Variants in AGPAT4 observed in about 807,000 individuals in gnomAD.
AGPAT4 encodes 1-acylglycerol-3-phosphate O-acyltransferase 4, also known as 1-acyl-sn-glycerol-3-phosphate acyltransferase delta.
AGPAT4 carries 15 observed loss-of-function variants against 48.0 expected under a neutral mutation model. The observed-to-expected ratio is 0.31, with a 90% CI of 0.21 to 0.48. AGPAT4 has a LOEUF of 0.48. Ranked by LOEUF, AGPAT4 falls within the 20% of genes least tolerant of loss-of-function variation. AGPAT4 has a pLI of 0.99. For synonymous variants in AGPAT4, 178 were observed against 198.7 expected (o/e 0.90, Z 0.88); for missense variants, 314 against 482.5 (o/e 0.65, Z 3.27).
chr6:161,161,441 A>G lies in AGPAT4; in HGVS notation c.348+4807T>C, dbSNP rs1383479076. The stretch of plus-strand genomic sequence containing the variant: ...CTTGCCAAACCCAGTGAATGGTAAG[A>G]GGCAGAGGGTGGCGTCCCAGCCCAT... On this transcript the variant is annotated intron_variant, in intron 3 of 8. Transcript: ENST00000320285. The surrounding 1 kb of genome is among the most constrained non-coding windows in gnomAD (Gnocchi z 4.6). The G allele has an allele frequency of 2.2e-6, 1 of 456,568 alleles. No homozygotes were observed. The highest frequency in any genetic ancestry group is 2.0e-5 in the African/African-American group (1 of 50,066). The allele number at this position is 456,568 out of a possible 1,614,324, so 28.3% of individuals were successfully genotyped here.
At chr6:161,145,530 CA>C (rs1422496705) in intron 7 of AGPAT4, among the ~76,000 whole-genome samples, 1 of 151,604 alleles carries the variant, frequency 6.6e-6, no homozygotes, top group Non-Finnish European at 1.5e-5. Flanking sequence ...AAGGTGATGG[CA>C]AGTCTTTTGG....
In AGPAT4 at chr6:161,130,644, A is replaced by G. The variant is rs1778870619; in HGVS notation, c.*5896T>C. On this transcript the variant is annotated 3_prime_UTR_variant, in exon 9 of 9. Transcript: ENST00000320285. ...ATCTCTTTCCTTGATAGAACAAGCA[A>G]AAGAGGGGCTGATCCATCTCCCGTG... The G allele has an allele frequency of 2.6e-5, 7 of 273,094 alleles. No individual in the cohort carries two copies. The allele number at this position is 273,094 out of a possible 1,614,324, so 16.9% of individuals were successfully genotyped here.
At position 161,254,749 on chromosome 6, in the gene AGPAT4, A is replaced by G. The variant is rs911144331; in HGVS notation, c.-90+19189T>C. ...TGTTAATCCTTGGTTCTAAGCTTTAACATTCATTTAATTCTCAAAGATCTG... is the reference window on the plus strand; with the variant it reads ...TGTTAATCCTTGGTTCTAAGCTTTAGCATTCATTTAATTCTCAAAGATCTG... On this transcript the variant is annotated intron_variant, in intron 1 of 8. Transcript: ENST00000320285. The surrounding 1 kb of genome is among the most constrained non-coding windows in gnomAD (Gnocchi z 5.9). Among the ~76,000 whole-genome samples, 5 of 152,214 alleles carry G rather than the reference A, an allele frequency of 3.3e-5. No homozygotes were observed. The highest frequency in any genetic ancestry group is 5.9e-5 in the Non-Finnish European group (4 of 68,042).
At chr6:161,163,540 T>G (rs1226631978) in intron 3 of AGPAT4, among the ~76,000 whole-genome samples, 1 of 152,114 alleles carries the variant, frequency 6.6e-6, no homozygotes, top group Non-Finnish European at 1.5e-5. Context: ...AGCTCTCCAG[T>G]AGATGGCAAA....
rs1159155641 is a variant in AGPAT4 at position 161,139,889 on chromosome 6, C to T, written c.844-269G>A. On this transcript the variant is annotated intron_variant, in intron 7 of 8. Coordinates refer to ENST00000320285, the MANE Select transcript of AGPAT4 (RefSeq NM_020133.3). The surrounding 1 kb of genome is among the most constrained non-coding windows in gnomAD (Gnocchi z 9.1). ...GCAGGGCGTGGAGCATGAACCCTGGCGCCAGGCCAGCCTGGGCTAGGATCC... is the reference window on the plus strand; with the variant it reads ...GCAGGGCGTGGAGCATGAACCCTGGTGCCAGGCCAGCCTGGGCTAGGATCC... Among the ~76,000 whole-genome samples, 6 of 152,352 alleles carry T rather than the reference C, an allele frequency of 3.9e-5. No homozygotes were observed. The highest frequency in any genetic ancestry group is 3.9e-4 in the East Asian group (2 of 5,180).
rs978853919 is a variant in AGPAT4, at chr6:161,238,138, G to A, written c.-89-5836C>T. On this transcript the variant is annotated intron_variant, in intron 1 of 8. Transcript: ENST00000320285. This position sits in a 1 kb window ranked among gnomAD's most constrained non-coding sequence, Gnocchi z 5.2. The stretch of plus-strand genomic sequence containing the variant: ...TAGTTGTTGGAGCTTCCGCTGTGGA[G>A]AGGGCACTGAGAGTCAGGCAGTCTG... 6.6e-6 allele frequency among the ~76,000 whole-genome samples: 1 copy of A among 152,160 alleles called. No homozygotes were observed. Among genetic ancestry groups the A allele is most frequent in the African/African-American group, 2.4e-5 (1 of 41,440 alleles).
chr6:161,205,022 C>G (rs2115013606), intron 2 of AGPAT4, among the ~76,000 whole-genome samples: 1 of 152,286 alleles, frequency 6.6e-6, no homozygotes, highest in South Asian at 2.1e-4. Context: ...TCAGCCTCAC[C>G]ACTGGGGACT....
chr6:161,226,532 G>A lies in AGPAT4; in HGVS notation c.178+5504C>T, dbSNP rs939120738. Among the ~76,000 whole-genome samples the A allele has an allele frequency of 5.3e-5, 8 of 152,088 alleles. No homozygotes were observed. The highest frequency in any genetic ancestry group is 1.7e-4 in the African/African-American group (7 of 41,410). ...ACTTCCCTTGTATTTTCATTTGTGG[G>A]GTAGGGGGTGGCCCACACCCAGTTG... On this transcript the variant is annotated intron_variant, in intron 2 of 8. Coordinates refer to ENST00000320285, the MANE Select transcript of AGPAT4 (RefSeq NM_020133.3). This position sits in a 1 kb window ranked among gnomAD's most constrained non-coding sequence, Gnocchi z 6.3.
chr6:161,200,849 C>T lies in AGPAT4; in HGVS notation c.178+31187G>A, dbSNP rs527537632. 1.3e-5 allele frequency among the ~76,000 whole-genome samples: 2 copies of T among 152,344 alleles called. No individual in the cohort carries two copies. Among genetic ancestry groups the T allele is most frequent in the African/African-American group, 4.8e-5 (2 of 41,576 alleles). On this transcript the variant is annotated intron_variant, in intron 2 of 8. Coordinates refer to ENST00000320285, the MANE Select transcript of AGPAT4 (RefSeq NM_020133.3). The surrounding 1 kb of genome is among the most constrained non-coding windows in gnomAD (Gnocchi z 5.5). ...CCACAATTTCTGATCCATCCAAACT[C>T]ATAAACACAGATACCCTCTATTGCC...
intron 1 of AGPAT4, among the ~76,000 whole-genome samples, chr6:161,237,959 A>T (rs1348855158): frequency 6.6e-6 from 1 of 151,974 alleles, no homozygotes; most frequent in Non-Finnish European, 1.5e-5. Flanking sequence ...TATTAAAGTC[A>T]GCAGAAAGGT....
intron 1 of AGPAT4, among the ~76,000 whole-genome samples, chr6:161,250,371 G>A (rs12207205): frequency 0.11 from 17,127 of 152,178 alleles, 1,267 homozygotes; most frequent in Non-Finnish European, 0.17. Flanking sequence ...TACAGTAGTT[G>A]AGATTTTATT....
At chr6:161,179,639 C>T (rs368667902) in intron 2 of AGPAT4, among the ~76,000 whole-genome samples, 2 of 152,292 alleles carry the variant, frequency 1.3e-5, no homozygotes, top group South Asian at 2.1e-4. Flanking sequence ...TCCGCCTCTG[C>T]CACCCCTGAG....
At chr6:161,252,233 T>C (rs1484031965) in intron 1 of AGPAT4, among the ~76,000 whole-genome samples, 1 of 152,116 alleles carries the variant, frequency 6.6e-6, no homozygotes, top group Non-Finnish European at 1.5e-5. Flanking sequence ...CTTGCAGTGG[T>C]AATAGGAGAG....
chr6:161,255,290 T>C lies in AGPAT4; in HGVS notation c.-90+18648A>G, dbSNP rs1440355611. On this transcript the variant is annotated intron_variant, in intron 1 of 8. Coordinates refer to ENST00000320285, the MANE Select transcript of AGPAT4 (RefSeq NM_020133.3). The surrounding 1 kb of genome is among the most constrained non-coding windows in gnomAD (Gnocchi z 4.7). ...GCTTCTTTCGCTTCAGAAAAGATTT[T>C]GGGAAGTGAATGAAACACATCCAGC... is the stretch of plus-strand genomic sequence containing the variant. 6.6e-6 allele frequency among the ~76,000 whole-genome samples: 1 copy of C among 152,226 alleles called. No homozygotes were observed. Among genetic ancestry groups the C allele is most frequent in the Non-Finnish European group, 1.5e-5 (1 of 68,030 alleles).
intron 2 of AGPAT4, among the ~76,000 whole-genome samples, chr6:161,203,346 G>A (rs964653385): frequency 6.7e-6 from 1 of 148,802 alleles, no homozygotes; most frequent in Non-Finnish European, 1.5e-5. Flanking sequence ...CAATAAAAGT[G>A]CTTGGAATTT....
In AGPAT4 at chr6:161,135,004, CA is replaced by C. The variant is rs869048489; in HGVS notation, c.*1535del. ...GATTCAAATAATTCATTTGTATCAACAAACAAACAATGCATTATTGTCCTGT... is the reference window on the plus strand; with the variant it reads ...GATTCAAATAATTCATTTGTATCAACAACAAACAATGCATTATTGTCCTGT... On this transcript the variant is annotated 3_prime_UTR_variant, in exon 9 of 9. Coordinates refer to ENST00000320285, the MANE Select transcript of AGPAT4 (RefSeq NM_020133.3). 3 of 6,334 alleles carry C rather than the reference CA, an allele frequency of 4.7e-4. No individual in the cohort carries two copies. The highest frequency in any genetic ancestry group is 3.2e-3 in the African/African-American group (3 of 946). The allele number at this position is 6,334 out of a possible 1,614,324, so 0.4% of individuals were successfully genotyped here. A position where few individuals can be genotyped will look rare whatever the true frequency, so the allele number is the denominator to read the frequency against.
In AGPAT4 at chr6:161,142,806, C is replaced by T. The variant is rs1779296606; in HGVS notation, c.844-3186G>A. Among the ~76,000 whole-genome samples the T allele has an allele frequency of 6.6e-6, 1 of 152,206 alleles. No homozygotes were observed. The highest frequency in any genetic ancestry group is 2.1e-4 in the South Asian group (1 of 4,832). ...AGCCTTGGTCTCAGCCCGCAGACAC[C>T]ACCCGAGTGCACGGCCAGGACTTGC... On this transcript the variant is annotated intron_variant, in intron 7 of 8. Transcript: ENST00000320285. The surrounding 1 kb of genome is among the most constrained non-coding windows in gnomAD (Gnocchi z 6.4).
Position 161,220,605 on chromosome 6 carries a change from C to A in AGPAT4, c.178+11431G>T, listed in dbSNP as rs1781807677. 2.0e-5 allele frequency among the ~76,000 whole-genome samples: 3 copies of A among 152,132 alleles called. No homozygotes were observed. Among genetic ancestry groups the A allele is most frequent in the African/African-American group, 7.2e-5 (3 of 41,426 alleles). Reference sequence around the variant, plus strand: ...CAAAGACGCTGCCAGTAAGACAGAACCGAATATTGCAAAATGGGTAGGCAA... The same window carrying A: ...CAAAGACGCTGCCAGTAAGACAGAAACGAATATTGCAAAATGGGTAGGCAA... On this transcript the variant is annotated intron_variant, in intron 2 of 8. Transcript: ENST00000320285. The surrounding 1 kb of genome is among the most constrained non-coding windows in gnomAD (Gnocchi z 6.0).
At chr6:161,188,883 C>T in intron 2 of AGPAT4, among the ~76,000 whole-genome samples, 1 of 152,114 alleles carries the variant, frequency 6.6e-6, no homozygotes, top group East Asian at 1.9e-4. Context: ...TCTCATTTCA[C>T]CAATGGCAAA....
Sources: allele counts gnomAD v4.1 joint callset (sites outside exome capture counted in the v4.1 genomes callset), GRCh38; gene constraint gnomAD v4.1.1; non-coding constraint Gnocchi (gnomAD v3.1); transcripts MANE v1.5; gene names NCBI Gene and HGNC (gene_info 2026-07-23, HGNC 2026-07-21).